The following DNHD1 variants were observed in gnomAD, a reference collection of about 807,000 sequenced individuals.
The protein encoded by DNHD1 is dynein heavy chain domain 1.
DNHD1 carries 383 observed loss-of-function variants against 458.1 expected under a neutral mutation model. The observed-to-expected ratio is 0.84, with a 90% confidence interval of 0.77 to 0.91. DNHD1 has a LOEUF of 0.91. Among genes scored for constraint, DNHD1 ranks in the 40% least tolerant of loss-of-function variants. DNHD1 has a pLI of 0.00. For synonymous variants in DNHD1, 2,203 were observed against 2,376.9 expected, an observed-to-expected ratio of 0.93 and a Z score of 2.13; for missense variants, 5,336 against 5,866.1, an observed-to-expected ratio of 0.91 and a Z score of 2.95.
At chr11:6,520,465 A>T (rs1852583614) in intron 10 of DNHD1, 176 bp downstream of exon 10, 1 of 1,446,716 alleles carries the variant, frequency 6.9e-7, no homozygotes, top group African/African-American at 1.4e-5. Context: ...AGGTCAGGGA[A>T]TGTTTTTGCT....
intron 14 of DNHD1, among the ~76,000 whole-genome samples, chr11:6,535,907 G>A (rs1330396259): frequency 1.3e-5 from 2 of 151,000 alleles, no homozygotes; most frequent in Non-Finnish European, 2.9e-5. Flanking sequence ...CTTATTTGTT[G>A]TAAAAAAAAA....
At chr11:6,537,232 C>G (rs1852971445) in intron 14 of DNHD1, among the ~76,000 whole-genome samples, 2 of 152,140 alleles carry the variant, frequency 1.3e-5, no homozygotes, top group Admixed American at 1.3e-4. Flanking sequence ...ATGTAGTACC[C>G]TGTGAGATGA....
At chr11:6,542,802 T>C (rs1853126084) in intron 18 of DNHD1, among the ~76,000 whole-genome samples, 1 of 152,236 alleles carries the variant, frequency 6.6e-6, no homozygotes, top group Non-Finnish European at 1.5e-5. Flanking sequence ...AGGATATATA[T>C]GAAAATGAAA....
In DNHD1 at chr11:6,568,202, G is replaced by C; in HGVS notation, c.12498G>C (p.Glu4166Asp). ...ATCTGATGCCCCATTGGCCGAAAGAGCTGCTACAGCTCTTGCTGGAACTGT... is the reference window on the plus strand; with the variant it reads ...ATCTGATGCCCCATTGGCCGAAAGACCTGCTACAGCTCTTGCTGGAACTGT... ...NCHLMPHWPK[E>D]LLQLLLELLG... Residue 4166 changes from glutamate to aspartate, a missense_variant, in exon 37 of 43, where the codon GAG becomes GAC. By Grantham distance (45) the Glu-to-Asp change is conservative. Around this residue, in one of 4 missense-constraint regions of DNHD1, gnomAD observed 695 missense variants for 804.2 expected, o/e 0.86. Coordinates refer to ENST00000254579, the MANE Select transcript of DNHD1 (RefSeq NM_144666.3). 1 of 1,552,294 alleles carries C rather than the reference G, an allele frequency of 6.4e-7. No individual in the cohort carries two copies. The highest frequency in any genetic ancestry group is 8.7e-7 in the Non-Finnish European group (1 of 1,147,242).
In DNHD1 at chr11:6,548,276, A is replaced by T; in HGVS notation, c.6972A>T (p.Pro2324=). ...SISRLSNYPE[P]PPSALVFDLH... ...GTCGCCTCTCCAACTACCCTGAGCC[A>T]CCACCCTCAGCCTTGGTGTTTGATC... Residue 2324 remains proline, a synonymous_variant, in exon 23 of 43, where the codon CCA becomes CCT. Coordinates refer to ENST00000254579, the MANE Select transcript of DNHD1 (RefSeq NM_144666.3). This position sits in a 1 kb window ranked among gnomAD's most constrained non-coding sequence, Gnocchi z 4.4. The T allele has an allele frequency of 6.4e-7, 1 of 1,551,644 alleles. No homozygotes were observed. Among genetic ancestry groups the T allele is most frequent in the Non-Finnish European group, 8.7e-7 (1 of 1,146,974 alleles).
intron 31 of DNHD1, 66 bp downstream of exon 31, chr11:6,564,190 G>C: frequency 6.7e-7 from 1 of 1,502,462 alleles, no homozygotes. Flanking sequence ...GCTCCTCCCT[G>C]TGCCCTCACT....
intron 24 of DNHD1, among the ~76,000 whole-genome samples, chr11:6,553,171 C>T (rs752685455): frequency 4.6e-5 from 7 of 152,158 alleles, no homozygotes; most frequent in Admixed American, 1.3e-4. Context: ...TAAGACCAAA[C>T]GGAGTCTATC....
At chr11:6,517,649 CTTCTTTTTTTT>C (rs1852506495) in intron 7 of DNHD1, among the ~76,000 whole-genome samples, 1 of 85,614 alleles carries the variant, frequency 1.2e-5, no homozygotes, top group Non-Finnish European at 2.3e-5. Context: ...TGATCTAGGA[CTTCTTTTTTTT>C]TTTTTTTTTT....
rs370706078 is a variant in DNHD1 at position 6,547,118 on chromosome 11, G to A, written c.6179G>A (p.Arg2060His). Residue 2060 changes from arginine (R) to histidine (H), a missense_variant, in exon 21 of 43, where the codon CGT becomes CAT. Physicochemically the swap from Arg to His is conservative, Grantham distance 29 (BLOSUM62 0). Around this residue, in one of 4 missense-constraint regions of DNHD1, gnomAD observed 3,932 missense variants for 4,365.6 expected, o/e 0.90. Transcript: ENST00000254579. ...CATGGCATCTTTCCCAAGGTACTTC[G>A]TGCAGCCGGTCAGTGTAACAACATG... is the stretch of plus-strand genomic sequence containing the variant. ...WHHGIFPKVL[R>H]AAGQCNNMGQ... The A allele has an allele frequency of 1.0e-4, 160 of 1,551,610 alleles. No individual in the cohort carries two copies. The highest frequency in any genetic ancestry group is 1.2e-4 in the African/African-American group (9 of 73,050).
In DNHD1 at chr11:6,547,704, C is replaced by T. The variant is rs749424774; in HGVS notation, c.6727+38C>T. The T allele has an allele frequency of 7.4e-6, 11 of 1,496,516 alleles. No homozygotes were observed. In the African/African-American group the frequency reaches 1.5e-4, roughly 21 times the overall value. 92.7% of individuals were successfully genotyped at this position (1,496,516 alleles called of 1,614,324 possible). On this transcript the variant is annotated intron_variant, in intron 21 of 42. Transcript: ENST00000254579. ...ACGGGCTGGTTTGAGAGAGATGGGG[C>T]CTTAAGGGTAGCTGGGGTATATAGC... is the stretch of plus-strand genomic sequence containing the variant.
chr11:6,511,558 T>C lies in DNHD1; in HGVS notation c.1392+129T>C, dbSNP rs191853231. Reference sequence around the variant, plus strand: ...GGACTCTACAGTTGAATCAGAGCCATTTTCCTGCCCAGCAACAGCAGTTTC... The same window carrying C: ...GGACTCTACAGTTGAATCAGAGCCACTTTCCTGCCCAGCAACAGCAGTTTC... On this transcript the variant is annotated intron_variant, in intron 7 of 42. Transcript: ENST00000254579. 84 of 1,230,924 alleles carry C rather than the reference T, an allele frequency of 6.8e-5. No individual in the cohort carries two copies. In the East Asian group the frequency reaches 1.9e-3, roughly 28 times the overall value. 76.3% of individuals were successfully genotyped at this position (1,230,924 alleles called of 1,614,324 possible).
At position 6,539,946 on chromosome 11, in the gene DNHD1, C is replaced by T. The variant is rs1230176026; in HGVS notation, c.3491C>T (p.Ala1164Val). ...CGGCGGTTGCAGCGGTACTGGGAAG[C>T]GCGCCAGCTGCGCCTGCTCAACTTC... Reference protein sequence around the residue: ...TIRRLQRYWEARQLRLLNFIL... With the variant: ...TIRRLQRYWEVRQLRLLNFIL... The change falls in exon 18 of 43, where the codon GCG becomes GTG. Residue 1164 changes from alanine (A) to valine (V), a missense_variant. Physicochemically the swap from Ala to Val is moderately conservative, Grantham distance 64. This residue lies in a region of DNHD1 where 3,932 missense variants were observed against 4,365.6 expected (regional missense o/e 0.90). Transcript: ENST00000254579. 1.4e-5 allele frequency: 22 copies of T among 1,551,618 alleles called. No homozygotes were observed. The highest frequency in any genetic ancestry group is 4.1e-5 in the African/African-American group (3 of 73,064).
chr11:6,566,417 C>G, intron 34 of DNHD1, 24 bp downstream of exon 34: 1 of 1,556,772 alleles, frequency 6.4e-7, no homozygotes, highest in Non-Finnish European at 8.7e-7. Context: ...GGCAAATTGC[C>G]AGCACAGTTG....
chr11:6,498,277 A>G lies in DNHD1; in HGVS notation c.62A>G (p.Lys21Arg). The G allele has an allele frequency of 1.2e-6, 2 of 1,614,176 alleles. No individual in the cohort carries two copies. Among genetic ancestry groups the G allele is most frequent in the Non-Finnish European group, 1.7e-6 (2 of 1,180,034 alleles). Residue 21 changes from lysine (K) to arginine (R), a missense_variant, in exon 3 of 43, where the codon AAG (lysine) becomes AGG (arginine). Physicochemically the swap from Lys to Arg is conservative, Grantham distance 26 (BLOSUM62 2). Transcript: ENST00000254579. The stretch of plus-strand genomic sequence containing the variant: ...GATGAGACATCATCTGATTCCCTTA[A>G]GTCTTGGCACTCCATATGTGTCTTG... The part of the protein sequence containing the change: ...SSDETSSDSL[K>R]SWHSICVLDS...
At position 6,567,675 on chromosome 11, in the gene DNHD1, C is replaced by G; in HGVS notation, c.12166C>G (p.Leu4056Val). ...VLRPECLAGALADFTTSLLGR... is the reference protein window; with the variant it reads ...VLRPECLAGAVADFTTSLLGR... ...GCGACCTGAGTGCCTGGCAGGTGCC[C>G]TGGCAGACTTCACCACTAGCCTCCT... is the stretch of plus-strand genomic sequence containing the variant. The change falls in exon 36 of 43, where the codon CTG (leucine) becomes GTG (valine). Residue 4056 changes from leucine (L) to valine (V), a missense_variant. This residue lies in a region of DNHD1 where 695 missense variants were observed against 804.2 expected (regional missense o/e 0.86). Transcript: ENST00000254579. 1 of 1,613,940 alleles carries G rather than the reference C, an allele frequency of 6.2e-7. No individual in the cohort carries two copies. Among genetic ancestry groups the G allele is most frequent in the African/African-American group, 1.3e-5 (1 of 75,064 alleles).
At chr11:6,534,290 C>A in intron 14 of DNHD1, 117 bp downstream of exon 14, 1 of 1,016,216 alleles carries the variant, frequency 9.8e-7, no homozygotes, top group Non-Finnish European at 1.4e-6. Context: ...TTGGGAATCA[C>A]ACACCTTCAC....
In DNHD1 at chr11:6,509,225, G is replaced by T. The variant is rs777088299; in HGVS notation, c.1188G>T (p.Leu396=). ...TCCAGAAATTCCTAGAGAATCATCT[G>T]CTCTTGGCTGTGCCCCACTTTGGAG... is the stretch of plus-strand genomic sequence containing the variant. ...HRLQKFLENH[L]LLAVPHFGAG... Residue 396 remains leucine (L), a synonymous_variant, in exon 6 of 43, where the codon CTG becomes CTT. Transcript: ENST00000254579. The T allele has an allele frequency of 6.2e-7, 1 of 1,614,212 alleles. No homozygotes were observed. The highest frequency in any genetic ancestry group is 8.5e-7 in the Non-Finnish European group (1 of 1,180,040).
At position 6,502,933 on chromosome 11, in the gene DNHD1, G is replaced by A; in HGVS notation, c.920+7G>A. 1 of 1,612,902 alleles carries A rather than the reference G, an allele frequency of 6.2e-7. No homozygotes were observed. ...CTCCCAGCCGGTACTTTAGGTGATA[G>A]CCTATGTCCAGGCCCCTTCTCCTCC... On this transcript the variant is annotated splice_region_variant and intron_variant, in intron 4 of 42. Coordinates refer to ENST00000254579, the MANE Select transcript of DNHD1 (RefSeq NM_144666.3).
At position 6,509,023 on chromosome 11, in the gene DNHD1, G is replaced by A. The variant is rs778972137; in HGVS notation, c.1064G>A (p.Trp355Ter). The A allele has an allele frequency of 6.2e-7, 1 of 1,614,200 alleles. No homozygotes were observed. Among genetic ancestry groups the A allele is most frequent in the East Asian group, 2.2e-5 (1 of 44,890 alleles). ...ACCTGGCACCATCACTGTGTTCTCT[G>A]GCAGCAGCTCCAGTTCATTCCATTC... ...LGTWHHHCVL[W>*]QQLQFIPFFK... The change falls in exon 5 of 43, where the codon TGG becomes TAG. Residue 355 changes from tryptophan to a stop codon, truncating the protein, a stop_gained. Transcript: ENST00000254579. LOFTEE classifies it high-confidence loss of function.
Sources: gnomAD v4.1 joint callset for allele counts (sites outside exome capture counted in the v4.1 genomes callset) on GRCh38, gnomAD v4.1.1 for gene constraint, gnomAD v4.1.1 regional missense constraint, Gnocchi (gnomAD v3.1) non-coding constraint, MANE v1.5 for transcripts, NCBI Gene and HGNC (gene_info 2026-07-23, HGNC 2026-07-21) for gene names.